Variants in ARID2 observed in about 807,000 individuals in gnomAD.
ARID2 encodes AT-rich interaction domain 2, also known as AT-rich interactive domain-containing protein 2.
A neutral mutation model predicts 184.6 loss-of-function variants in ARID2; 32 were observed. The ratio of observed to expected loss-of-function variants is 0.17; its 90% CI spans 0.13 to 0.23. ARID2 has a LOEUF of 0.23. Among genes scored for constraint, ARID2 ranks in the 10% least tolerant of loss-of-function variants. ARID2 has a pLI of 1.00. For synonymous variants in ARID2, 836 were observed against 772.6 expected (o/e 1.08, Z -1.36); for missense variants, 1,696 against 2,197.6 (o/e 0.77, Z 4.56).
rs1453593718 is a variant in ARID2 at position 45,906,616 on chromosome 12, A to G, written c.*1538A>G. On this transcript the variant is annotated 3_prime_UTR_variant, in exon 21 of 21. Coordinates refer to ENST00000334344, the MANE Select transcript of ARID2 (RefSeq NM_152641.4). ...GAGAATTCTAAATTCAGCTGAAGGC[A>G]AGGTATAACGGTCACCTACCTATTT... 8.6e-6 allele frequency: 2 copies of G among 232,372 alleles called. No homozygotes were observed. The highest frequency in any genetic ancestry group is 1.7e-5 in the Non-Finnish European group (2 of 117,586). 14.4% of individuals were successfully genotyped at this position (232,372 alleles called of 1,614,324 possible). A position where few individuals can be genotyped will look rare whatever the true frequency, so the allele number is the denominator to read the frequency against.
chr12:45,753,127 G>A (rs1941497257), intron 3 of ARID2, among the ~76,000 whole-genome samples: 1 of 152,098 alleles, frequency 6.6e-6, no homozygotes, highest in South Asian at 2.1e-4. Context: ...GCTGGGTGTG[G>A]TGGCGCATGC....
chr12:45,834,934 G>A (rs1943190281), intron 6 of ARID2, among the ~76,000 whole-genome samples: 1 of 151,810 alleles, frequency 6.6e-6, no homozygotes, highest in South Asian at 2.1e-4. Flanking sequence ...ATAATTTTCT[G>A]CCCTTACATT....
rs192859625 is a variant in ARID2 at position 45,741,827 on chromosome 12, C to T, written c.284+10513C>T. Among the ~76,000 whole-genome samples the T allele has an allele frequency of 1.6e-4, 25 of 152,280 alleles. No individual in the cohort carries two copies. In the East Asian group the frequency reaches 4.6e-3, roughly 28 times the overall value. On this transcript the variant is annotated intron_variant, in intron 3 of 20. Coordinates refer to ENST00000334344, the MANE Select transcript of ARID2 (RefSeq NM_152641.4). ...AACCAAGATCGAGGTGATAGGTGTG[C>T]TCATTGCTACTGGGTTATTTTTTCT...
At chr12:45,901,374 G>C (rs1051062278) in intron 20 of ARID2, among the ~76,000 whole-genome samples, 2 of 151,254 alleles carry the variant, frequency 1.3e-5, no homozygotes, top group Admixed American at 1.3e-4. Context: ...GTTTCACCTA[G>C]TTAGCCAGGA....
intron 3 of ARID2, among the ~76,000 whole-genome samples, chr12:45,763,272 C>T (rs1356936784): frequency 6.6e-6 from 1 of 152,138 alleles, no homozygotes; most frequent in African/African-American, 2.4e-5. Context: ...AGTTTGAGGC[C>T]AGCCTGGCCA....
At chr12:45,812,212 A>G (rs1005987334) in intron 4 of ARID2, among the ~76,000 whole-genome samples, 1 of 151,856 alleles carries the variant, frequency 6.6e-6, no homozygotes, top group Admixed American at 6.6e-5. Context: ...GGCCTAAAAA[A>G]AAAAAGAGAT....
At chr12:45,819,104 A>G (rs941867485) in intron 5 of ARID2, among the ~76,000 whole-genome samples, 2 of 152,166 alleles carry the variant, frequency 1.3e-5, no homozygotes, top group Admixed American at 6.5e-5. Context: ...GAAACCTTAA[A>G]ATGAAGCCTT....
intron 3 of ARID2, among the ~76,000 whole-genome samples, chr12:45,786,451 T>C (rs1942197574): frequency 6.6e-6 from 1 of 152,228 alleles, no homozygotes; most frequent in African/African-American, 2.4e-5. Context: ...ATGTGGATGA[T>C]ATTAACAAGG....
At chr12:45,895,903 T>A (rs968063039) in intron 20 of ARID2, among the ~76,000 whole-genome samples, 1 of 152,198 alleles carries the variant, frequency 6.6e-6, no homozygotes, top group African/African-American at 2.4e-5. Context: ...AGAGAAGATT[T>A]GTAAACTGAA....
intron 18 of ARID2, among the ~76,000 whole-genome samples, chr12:45,892,493 TAC>T (rs776834059): frequency 6.6e-6 from 1 of 151,844 alleles, no homozygotes; most frequent in Non-Finnish European, 1.5e-5. Flanking sequence ...TATATATATA[TAC>T]ACACACATAT....
intron 20 of ARID2, among the ~76,000 whole-genome samples, chr12:45,897,278 T>G (rs894782559): frequency 3.3e-5 from 5 of 152,212 alleles, no homozygotes; most frequent in Non-Finnish European, 7.3e-5. Context: ...TATAAAACCG[T>G]AAGACTCTTA....
intron 16 of ARID2, among the ~76,000 whole-genome samples, chr12:45,862,061 C>T (rs932274061): frequency 6.6e-6 from 1 of 152,044 alleles, no homozygotes; most frequent in Admixed American, 6.6e-5. Context: ...ATTATGGCTA[C>T]CTGTGTAGCC....
Position 45,851,938 on chromosome 12 carries a change from G to T in ARID2, c.3815G>T (p.Arg1272Leu), listed in dbSNP as rs764238264. 1.2e-6 allele frequency: 2 copies of T among 1,614,118 alleles called. No individual in the cohort carries two copies. The highest frequency in any genetic ancestry group is 1.7e-6 in the Non-Finnish European group (2 of 1,180,022). ...GAAGTCATGGAGAACCCGTCCTGCC[G>T]ACGAGGAGCCACAAACACCAGCAAT... ...KIEVMENPSC[R>L]RGATNTSNGD... is the part of the protein sequence containing the mutation. The change falls in exon 15 of 21, where the codon CGA becomes CTA. Residue 1272 changes from arginine (R) to leucine (L), a missense_variant. By Grantham distance (102) the Arg-to-Leu change is moderately radical (BLOSUM62 -2). This residue lies in a region of ARID2 where 428 missense variants were observed against 409.1 expected (regional missense o/e 1.05). Coordinates refer to ENST00000334344, the MANE Select transcript of ARID2 (RefSeq NM_152641.4).
rs1284913319 is a variant in ARID2 at position 45,729,865 on chromosome 12, C to T, written c.29C>T (p.Pro10Leu). ...GCAAACTCGACGGGGAAGGCGCCTC[C>T]GGACGAGCGGAGAAAGGGACTCGCT... MANSTGKAP[P>L]DERRKGLAFL... is the part of the protein sequence containing the mutation. The change falls in exon 1 of 21, where the codon CCG (proline) becomes CTG (leucine). Residue 10 changes from proline to leucine, a missense_variant. By Grantham distance (98) the Pro-to-Leu change is moderately conservative. Coordinates refer to ENST00000334344, the MANE Select transcript of ARID2 (RefSeq NM_152641.4). 2 of 1,611,472 alleles carry T rather than the reference C, an allele frequency of 1.2e-6. No individual in the cohort carries two copies. The highest frequency in any genetic ancestry group is 1.7e-5 in the Admixed American group (1 of 59,886).
intron 15 of ARID2, among the ~76,000 whole-genome samples, chr12:45,858,754 A>G (rs529325716): frequency 2.0e-5 from 3 of 152,334 alleles, no homozygotes; most frequent in African/African-American, 7.2e-5. Flanking sequence ...ATGGCTAGTA[A>G]AAATCAGATT....
chr12:45,738,232 A>G (rs2137973757), intron 3 of ARID2, among the ~76,000 whole-genome samples: 1 of 152,334 alleles, frequency 6.6e-6, no homozygotes, highest in Admixed American at 6.5e-5. Context: ...CTGTGAAAGT[A>G]ATAATACTAA....
rs71067909 is a variant in ARID2 at position 45,901,154 on chromosome 12, ATTTTTTTTTTTTTTTTTTT to A, written c.5364-3764_5364-3746del. 1.1e-4 allele frequency among the ~76,000 whole-genome samples: 5 copies of A among 44,968 alleles called. No homozygotes were observed. In the South Asian group the frequency reaches 2.5e-3, roughly 22 times the overall value. The allele number at this position is 44,968 out of a possible 152,430, so 29.5% of individuals were successfully genotyped here. ...AATCTATTTTTTGGAAATTTCCTTAATTTTTTTTTTTTTTTTTTTTTTTTTTTTTTTTTTGAGACAGAGT... is the reference window on the plus strand; with the variant it reads ...AATCTATTTTTTGGAAATTTCCTTAATTTTTTTTTTTTTTTGAGACAGAGT... On this transcript the variant is annotated intron_variant, in intron 20 of 20. Transcript: ENST00000334344.
chr12:45,793,979 T>A (rs1376519530), intron 3 of ARID2, among the ~76,000 whole-genome samples: 2 of 152,190 alleles, frequency 1.3e-5, no homozygotes, highest in Admixed American at 6.5e-5. Flanking sequence ...TATGAATTTT[T>A]AAAATCTTGC....
chr12:45,778,183 G>A (rs1328813633), intron 3 of ARID2, among the ~76,000 whole-genome samples: 1 of 152,098 alleles, frequency 6.6e-6, no homozygotes, highest in Non-Finnish European at 1.5e-5. Flanking sequence ...TCCAGCCTGG[G>A]GGACAAGAGC....
Sources: allele counts gnomAD v4.1 joint callset (sites outside exome capture counted in the v4.1 genomes callset), GRCh38; gene constraint gnomAD v4.1.1; regional missense constraint gnomAD v4.1.1; transcripts MANE v1.5; gene names NCBI Gene and HGNC (gene_info 2026-07-23, HGNC 2026-07-21).